HMGCLL1: variants seen among roughly 807,000 people sequenced by gnomAD.
HMGCLL1 encodes the protein 3-hydroxy-3-methylglutaryl-CoA lyase like 1, also known as 3-hydroxymethyl-3-methylglutaryl-CoA lyase, cytoplasmic.
HMGCLL1 carries 36 observed loss-of-function variants against 39.1 expected under a neutral mutation model. The ratio of observed to expected loss-of-function variants is 0.92; its 90% CI spans 0.71 to 1.22. The LOEUF (loss-of-function observed/expected upper bound fraction) is 1.22. Ranked by LOEUF, HMGCLL1 falls within the 50% of genes most tolerant of loss-of-function variation. The pLI is 0.00. For missense variants in HMGCLL1, 451 were observed against 416.5 expected, an observed-to-expected ratio of 1.08 and a Z score of -0.72; for synonymous variants, 149 against 144.0, an observed-to-expected ratio of 1.03 and a Z score of -0.25.
chr6:55,620,046 T>C, the HMGCLL1 span, among the ~76,000 whole-genome samples: 499 of 152,312 alleles, frequency 3.3e-3, 5 homozygotes, highest in Middle Eastern at 0.01. Flanking sequence ...GAGTACTCCA[T>C]TGTGTATAAG....
At chr6:55,640,428 G>A in the HMGCLL1 span, among the ~76,000 whole-genome samples, 6 of 152,014 alleles carry the variant, frequency 3.9e-5, no homozygotes, top group East Asian at 9.7e-4. Flanking sequence ...AGAAGACATA[G>A]AGGAGTACAT....
chr6:55,470,447 G>A (rs370225868), intron 7 of HMGCLL1, among the ~76,000 whole-genome samples: 1 of 151,848 alleles, frequency 6.6e-6, no homozygotes, highest in East Asian at 1.9e-4. Flanking sequence ...TTAGCACAAT[G>A]TTTTTTAAAA....
At chr6:55,475,736 C>T (rs1765255528) in intron 7 of HMGCLL1, among the ~76,000 whole-genome samples, 1 of 151,494 alleles carries the variant, frequency 6.6e-6, no homozygotes, top group Non-Finnish European at 1.5e-5. Context: ...CAAAATATTA[C>T]TCTCATGTTA....
intron 3 of HMGCLL1, among the ~76,000 whole-genome samples, chr6:55,525,206 CT>C (rs1472457199): frequency 1.3e-5 from 1 of 77,510 alleles, no homozygotes; most frequent in Admixed American, 1.5e-4. Context: ...AATCAGAAAA[CT>C]AAAAAAAGAA....
At chr6:55,538,835 T>C (rs939754884) in intron 3 of HMGCLL1, among the ~76,000 whole-genome samples, 7 of 149,010 alleles carry the variant, frequency 4.7e-5, no homozygotes, top group Admixed American at 2.7e-4. Flanking sequence ...TATATACACA[T>C]ACACACACAC....
In HMGCLL1 at chr6:55,535,576, C is replaced by G. The variant is rs536499557; in HGVS notation, c.297+6153G>C. 2.0e-5 allele frequency among the ~76,000 whole-genome samples: 3 copies of G among 152,170 alleles called. No individual in the cohort carries two copies. The South Asian group carries it at 6.2e-4, about 32-fold the overall frequency. On this transcript the variant is annotated intron_variant, in intron 3 of 8. Coordinates refer to ENST00000274901, the MANE Select transcript of HMGCLL1 (RefSeq NM_001042406.2). ...ACAGAATTGAGTATTTTAAGTCAGG[C>G]TCATTTGGAGATAATTTGGTTTAAG...
intron 7 of HMGCLL1, among the ~76,000 whole-genome samples, chr6:55,469,148 GAA>G (rs58387084): frequency 0.56 from 82,540 of 146,270 alleles, 24,661 homozygotes; most frequent in African/African-American, 0.78. Flanking sequence ...ATAAGAACTG[GAA>G]AAAAAAAAAA....
At chr6:55,480,248 A>C (rs1765666396) in intron 7 of HMGCLL1, among the ~76,000 whole-genome samples, 1 of 151,684 alleles carries the variant, frequency 6.6e-6, no homozygotes, top group Non-Finnish European at 1.5e-5. Flanking sequence ...TAATAACCCG[A>C]ATATACAAGG....
chr6:55,506,427 C>G (rs1055286267), intron 5 of HMGCLL1, among the ~76,000 whole-genome samples: 5 of 151,604 alleles, frequency 3.3e-5, no homozygotes, highest in African/African-American at 1.2e-4. Flanking sequence ...GAGTCCCATA[C>G]TGGTAGAGTA....
At chr6:55,463,017 T>G (rs147638490) in intron 7 of HMGCLL1, among the ~76,000 whole-genome samples, 1 of 140,188 alleles carries the variant, frequency 7.1e-6, no homozygotes, top group Non-Finnish European at 1.5e-5. Context: ...TCCAATCTTT[T>G]CTTTTTTCTT....
the HMGCLL1 span, among the ~76,000 whole-genome samples, chr6:55,662,788 T>C: frequency 1.3e-5 from 2 of 151,852 alleles, no homozygotes; most frequent in Non-Finnish European, 2.9e-5. Context: ...TCTGGTAGAA[T>C]TTGGCTGTGA....
chr6:55,578,395 G>A (rs1468849940), intron 1 of HMGCLL1, among the ~76,000 whole-genome samples: 7 of 152,146 alleles, frequency 4.6e-5, no homozygotes, highest in Admixed American at 4.6e-4. Context: ...AACAATGTGG[G>A]AATAAATTTT....
At chr6:55,500,502 A>AAT (rs1405835885) in intron 5 of HMGCLL1, among the ~76,000 whole-genome samples, 49 of 152,020 alleles carry the variant, frequency 3.2e-4, no homozygotes, top group Admixed American at 1.3e-3. Context: ...TGATTCTAAG[A>AAT]TGTAACCAAA....
At chr6:55,656,837 G>A in the HMGCLL1 span, among the ~76,000 whole-genome samples, 3 of 151,992 alleles carry the variant, frequency 2.0e-5, no homozygotes, top group Admixed American at 6.6e-5. Flanking sequence ...AGAGGGCAAT[G>A]AGTGAATGTT....
intron 7 of HMGCLL1, among the ~76,000 whole-genome samples, chr6:55,482,615 C>G (rs1765802865): frequency 6.6e-6 from 1 of 152,072 alleles, no homozygotes; most frequent in Non-Finnish European, 1.5e-5. Context: ...AACTGAAAGT[C>G]ATGGGTTTTG....
intron 5 of HMGCLL1, among the ~76,000 whole-genome samples, chr6:55,510,003 T>C (rs1204490090): frequency 6.6e-6 from 1 of 151,962 alleles, no homozygotes; most frequent in African/African-American, 2.4e-5. Flanking sequence ...CTGACAATTG[T>C]CTTTGTTTTT....
intron 1 of HMGCLL1, among the ~76,000 whole-genome samples, chr6:55,562,137 C>T (rs1042168217): frequency 3.9e-5 from 6 of 151,970 alleles, no homozygotes; most frequent in East Asian, 1.9e-4. Flanking sequence ...CCCAAATTTC[C>T]TGAGATTGTA....
intron 7 of HMGCLL1, among the ~76,000 whole-genome samples, chr6:55,492,263 T>G (rs1242416048): frequency 6.6e-6 from 1 of 152,220 alleles, no homozygotes; most frequent in Non-Finnish European, 1.5e-5. Context: ...GCCCTGTTCA[T>G]AGTGAAGTTA....
At chr6:55,550,192 A>G (rs1204404479) in intron 1 of HMGCLL1, among the ~76,000 whole-genome samples, 1 of 151,976 alleles carries the variant, frequency 6.6e-6, no homozygotes, top group African/African-American at 2.4e-5. Flanking sequence ...GTTAGGTGAA[A>G]TCTATACCTT....
Sources: gnomAD v4.1 joint callset for allele counts (sites outside exome capture counted in the v4.1 genomes callset) on GRCh38, gnomAD v4.1.1 for gene constraint, MANE v1.5 for transcripts, NCBI Gene and HGNC (gene_info 2026-07-23, HGNC 2026-07-21) for gene names.